Variants in PRKG1 observed in about 807,000 individuals in gnomAD.
The protein encoded by PRKG1 is cGMP-dependent protein kinase 1.
PRKG1 carries 35 observed loss-of-function variants against 88.1 expected under a neutral mutation model. The ratio of observed to expected loss-of-function variants is 0.40; its 90% CI spans 0.30 to 0.53. The LOEUF (loss-of-function observed/expected upper bound fraction) is 0.53, where lower values mean the gene tolerates loss of function less well. PRKG1 is among the 20% of genes least tolerant of loss of function. The pLI is 0.59. For synonymous variants in PRKG1, 303 were observed against 292.5 expected, an observed-to-expected ratio of 1.04 and a Z score of -0.37; for missense variants, 540 against 839.8, an observed-to-expected ratio of 0.64 and a Z score of 4.41.
chr10:51,032,407 A>T (rs1843295273), intron 1 of PRKG1, among the ~76,000 whole-genome samples: 1 of 151,758 alleles, frequency 6.6e-6, no homozygotes. Flanking sequence ...ACTTTAATTT[A>T]ATAGATTTTA....
intron 5 of PRKG1, among the ~76,000 whole-genome samples, chr10:51,982,834 A>G (rs1844046832): frequency 6.6e-6 from 1 of 152,126 alleles, no homozygotes. Flanking sequence ...TGGGGTGCAC[A>G]CTCATTGGCT....
At chr10:52,099,473 T>C (rs1847247461) in intron 7 of PRKG1, among the ~76,000 whole-genome samples, 1 of 152,210 alleles carries the variant, frequency 6.6e-6, no homozygotes, top group South Asian at 2.1e-4. Flanking sequence ...GAAGACACTA[T>C]GTCACACAGT....
At chr10:52,051,987 G>T (rs1469090820) in intron 5 of PRKG1, among the ~76,000 whole-genome samples, 2 of 152,044 alleles carry the variant, frequency 1.3e-5, no homozygotes, top group Non-Finnish European at 2.9e-5. Context: ...CTCCTCTCCC[G>T]CTTGTCCCAA....
At chr10:51,073,718 A>G (rs1031456845), upstream of PRKG1, among the ~76,000 whole-genome samples, 1 of 152,146 alleles carries the variant, frequency 6.6e-6, no homozygotes, top group Non-Finnish European at 1.5e-5. Context: ...CTAAAATCGG[A>G]AACCCCACCC....
At chr10:51,276,236 T>C (rs940297722) in intron 2 of PRKG1, among the ~76,000 whole-genome samples, 1 of 152,146 alleles carries the variant, frequency 6.6e-6, no homozygotes, top group African/African-American at 2.4e-5. Context: ...GTCCTTGTGA[T>C]AGTTTGCTGA....
At chr10:52,104,171 A>G (rs921041222) in intron 7 of PRKG1, among the ~76,000 whole-genome samples, 6 of 151,684 alleles carry the variant, frequency 4.0e-5, no homozygotes, top group African/African-American at 1.5e-4. Context: ...TAGCATATAA[A>G]TCTTCTTATT....
At chr10:51,460,692 G>T (rs1839721889) in intron 2 of PRKG1, among the ~76,000 whole-genome samples, 1 of 152,148 alleles carries the variant, frequency 6.6e-6, no homozygotes. Context: ...TGATGCTGGG[G>T]AAGGATGTTG....
intron 9 of PRKG1, among the ~76,000 whole-genome samples, chr10:52,237,851 C>A (rs1051985761): frequency 2.1e-4 from 30 of 142,832 alleles, no homozygotes; most frequent in African/African-American, 6.6e-4. Context: ...AAAAAGAGCC[C>A]GCATCGCCAA....
At chr10:52,122,739 G>A (rs969221089) in intron 7 of PRKG1, among the ~76,000 whole-genome samples, 3 of 152,104 alleles carry the variant, frequency 2.0e-5, no homozygotes, top group African/African-American at 7.2e-5. Context: ...AAGAAACTAG[G>A]ATTCAGAATT....
chr10:52,085,898 A>G (rs946632892), intron 7 of PRKG1, among the ~76,000 whole-genome samples: 9 of 152,122 alleles, frequency 5.9e-5, no homozygotes, highest in Non-Finnish European at 1.0e-4. Context: ...GAATTGTGAC[A>G]TGCATAGCAG....
rs907417618 is a variant in PRKG1 at position 52,246,442 on chromosome 10, G to A, written c.1077-5128G>A. 7.2e-5 allele frequency among the ~76,000 whole-genome samples: 11 copies of A among 152,090 alleles called. No homozygotes were observed. The South Asian group carries it at 1.9e-3, about 26-fold the overall frequency. ...TTTCTAAACCATGCATATGTATCTT[G>A]GTCTCATTTTTATACTTGTAACTTT... On this transcript the variant is annotated intron_variant, in intron 9 of 17. Coordinates refer to ENST00000373980, the MANE Select transcript of PRKG1 (RefSeq NM_006258.4).
At chr10:51,498,207 T>C (rs1840916032) in intron 3 of PRKG1, among the ~76,000 whole-genome samples, 1 of 152,178 alleles carries the variant, frequency 6.6e-6, no homozygotes, top group South Asian at 2.1e-4. Flanking sequence ...ACTTCCTAAT[T>C]TAATAAGCTC....
intron 1 of PRKG1, among the ~76,000 whole-genome samples, chr10:51,125,243 G>C (rs190024785): frequency 1.3e-5 from 2 of 152,030 alleles, no homozygotes; most frequent in Non-Finnish European, 2.9e-5. Flanking sequence ...AGGATCACTT[G>C]AGCCTGGAAA....
intron 5 of PRKG1, among the ~76,000 whole-genome samples, chr10:52,017,122 T>C (rs1349236355): frequency 2.0e-5 from 3 of 152,078 alleles, no homozygotes; most frequent in Non-Finnish European, 4.4e-5. Flanking sequence ...AAATGTATTT[T>C]AAGAAAAAGA....
intron 1 of PRKG1, among the ~76,000 whole-genome samples, chr10:51,138,864 A>T (rs1286917540): frequency 1.3e-5 from 2 of 151,054 alleles, no homozygotes; most frequent in Non-Finnish European, 3.0e-5. Context: ...TTACATTTTT[A>T]GTAGAGACGG....
At chr10:51,897,164 G>C (rs912823127) in intron 4 of PRKG1, among the ~76,000 whole-genome samples, 3 of 152,184 alleles carry the variant, frequency 2.0e-5, no homozygotes, top group African/African-American at 7.2e-5. Flanking sequence ...TGTCTAATAA[G>C]CTTGCTAAGG....
intron 1 of PRKG1, among the ~76,000 whole-genome samples, chr10:51,065,206 G>A (rs947100432): frequency 2.0e-5 from 3 of 152,044 alleles, no homozygotes; most frequent in African/African-American, 4.8e-5. Flanking sequence ...AGAGTAGCTG[G>A]AACTGTGGAA....
At chr10:52,118,287 G>T (rs10824050) in intron 7 of PRKG1, among the ~76,000 whole-genome samples, 1 of 151,606 alleles carries the variant, frequency 6.6e-6, no homozygotes, top group Non-Finnish European at 1.5e-5. Flanking sequence ...CTTTTTAATC[G>T]GGGTATTCTT....
intron 1 of PRKG1, among the ~76,000 whole-genome samples, chr10:51,094,817 G>T (rs1217420552): frequency 6.6e-6 from 1 of 152,088 alleles, no homozygotes; most frequent in African/African-American, 2.4e-5. Context: ...ATGTGTAAGG[G>T]TTTATAGACC....
Sources: allele counts gnomAD v4.1 joint callset (sites outside exome capture counted in the v4.1 genomes callset), GRCh38; gene constraint gnomAD v4.1.1; transcripts MANE v1.5; gene names NCBI Gene and HGNC (gene_info 2026-07-23, HGNC 2026-07-21).